The following LRRC7 variants were observed in gnomAD, a reference collection of about 807,000 sequenced individuals.
LRRC7 encodes leucine rich repeat containing 7.
Under a neutral mutation model 175.7 loss-of-function variants are expected in LRRC7, and 23 were observed. That is an observed-to-expected ratio of 0.13 (90% confidence interval 0.09 to 0.19). LRRC7 has a LOEUF of 0.19. LRRC7 is among the 10% of genes least tolerant of loss of function. The probability of loss-of-function intolerance (pLI) is 1.00; values close to 1 mark genes in which losing one functional copy is unlikely to be tolerated. For missense variants in LRRC7, 1,354 were observed against 1,904.7 expected, an observed-to-expected ratio of 0.71 and a Z score of 5.38; for synonymous variants, 685 against 680.9, an observed-to-expected ratio of 1.01 and a Z score of -0.09.
At chr1:69,623,973 C>A (rs1263806840) in intron 1 of LRRC7, among the ~76,000 whole-genome samples, 1 of 152,010 alleles carries the variant, frequency 6.6e-6, no homozygotes, top group Non-Finnish European at 1.5e-5. Context: ...TCATTTGGGG[C>A]TACTATAAAT....
intron 8 of LRRC7, among the ~76,000 whole-genome samples, chr1:69,977,111 T>G (rs1652894547): frequency 2.0e-5 from 3 of 152,214 alleles, no homozygotes; most frequent in African/African-American, 7.2e-5. Flanking sequence ...GACATGTTTG[T>G]GCATGACTCA....
At chr1:69,760,484 C>T (rs1401188585) in intron 3 of LRRC7, 91 bp downstream of exon 3, 3 of 1,051,286 alleles carry the variant, frequency 2.9e-6, no homozygotes, top group African/African-American at 1.6e-5. Flanking sequence ...ACTATGGGCT[C>T]CTATCTAGGT....
chr1:69,742,020 A>C (rs1050129326), intron 2 of LRRC7, among the ~76,000 whole-genome samples: 7 of 152,166 alleles, frequency 4.6e-5, no homozygotes, highest in East Asian at 1.9e-4. Context: ...ACTGCAACAT[A>C]ATTTTAAAAG....
chr1:69,570,070 C>G (rs187438313), intron 1 of LRRC7, among the ~76,000 whole-genome samples: 1 of 152,116 alleles, frequency 6.6e-6, no homozygotes, highest in Non-Finnish European at 1.5e-5. Flanking sequence ...CTGTATATGT[C>G]GAAATGTGGC....
At chr1:69,839,448 G>A (rs1681483403) in intron 7 of LRRC7, among the ~76,000 whole-genome samples, 1 of 152,054 alleles carries the variant, frequency 6.6e-6, no homozygotes, top group Non-Finnish European at 1.5e-5. Flanking sequence ...CATTGGGTAT[G>A]GGCCTAACCC....
intron 3 of LRRC7, among the ~76,000 whole-genome samples, chr1:69,762,944 T>A (rs933992357): frequency 5.9e-5 from 9 of 151,862 alleles, no homozygotes; most frequent in African/African-American, 2.2e-4. Flanking sequence ...CAAGGTTGAA[T>A]TTTTTTTACT....
intron 7 of LRRC7, among the ~76,000 whole-genome samples, chr1:69,848,510 T>C (rs1023998366): frequency 1.3e-5 from 2 of 152,092 alleles, no homozygotes; most frequent in Non-Finnish European, 2.9e-5. Context: ...CTACCACCTA[T>C]GCTTTGATTT....
chr1:69,917,214 G>A (rs1195373110), intron 7 of LRRC7, among the ~76,000 whole-genome samples: 1 of 152,148 alleles, frequency 6.6e-6, no homozygotes, highest in Admixed American at 6.5e-5. Flanking sequence ...CAAATAGTTA[G>A]CATTACTGAT....
At chr1:69,743,381 T>G (rs997773622) in intron 2 of LRRC7, among the ~76,000 whole-genome samples, 2 of 152,030 alleles carry the variant, frequency 1.3e-5, no homozygotes, top group African/African-American at 4.8e-5. Flanking sequence ...GAGTAAAGAT[T>G]ATTCCTAGCA....
intron 1 of LRRC7, among the ~76,000 whole-genome samples, chr1:69,613,337 G>A (rs935925988): frequency 6.6e-6 from 1 of 151,920 alleles, no homozygotes; most frequent in African/African-American, 2.4e-5. Context: ...CCACTCATGA[G>A]GGCTCTATCC....
intron 2 of LRRC7, among the ~76,000 whole-genome samples, chr1:69,722,945 A>G (rs771440308): frequency 4.0e-5 from 6 of 151,868 alleles, no homozygotes; most frequent in Non-Finnish European, 7.4e-5. Context: ...CATTGCAAAT[A>G]TTTTCCCCAG....
At chr1:69,693,501 C>A (rs904444171) in intron 2 of LRRC7, among the ~76,000 whole-genome samples, 1 of 152,162 alleles carries the variant, frequency 6.6e-6, no homozygotes, top group Non-Finnish European at 1.5e-5. Context: ...CCATTCAAGT[C>A]TAAAAGCTAT....
At chr1:69,754,748 A>G (rs1011421575) in intron 2 of LRRC7, among the ~76,000 whole-genome samples, 15 of 152,062 alleles carry the variant, frequency 9.9e-5, no homozygotes, top group African/African-American at 3.6e-4. Flanking sequence ...TGTGCATGTG[A>G]CATACAACTT....
At chr1:69,644,469 T>C (rs769722645) in intron 1 of LRRC7, among the ~76,000 whole-genome samples, 1 of 152,094 alleles carries the variant, frequency 6.6e-6, no homozygotes, top group Non-Finnish European at 1.5e-5. Flanking sequence ...AGCTGTAGCC[T>C]CACTAACTTT....
chr1:70,088,910 T>C (rs1421773566), intron 24 of LRRC7, among the ~76,000 whole-genome samples: 1 of 152,208 alleles, frequency 6.6e-6, no homozygotes, highest in Non-Finnish European at 1.5e-5. Flanking sequence ...CCCATACTAC[T>C]ATAAAACAAA....
chr1:69,957,067 TCATTTAACATATATTTATTAAA>T (rs1183817892), intron 8 of LRRC7, among the ~76,000 whole-genome samples: 1 of 151,760 alleles, frequency 6.6e-6, no homozygotes, highest in Admixed American at 6.6e-5. Flanking sequence ...TTCACTTTTT[TCATTTAACATATATTTATTAAA>T]CATTTAACAT....
intron 8 of LRRC7, among the ~76,000 whole-genome samples, chr1:69,949,265 A>G (rs1375315077): frequency 6.6e-6 from 1 of 152,156 alleles, no homozygotes; most frequent in East Asian, 1.9e-4. Flanking sequence ...ATGTATGTGC[A>G]TCTTTTTCAC....
At chr1:70,116,503 C>T (rs1397381884) in intron 26 of LRRC7, among the ~76,000 whole-genome samples, 3 of 146,930 alleles carry the variant, frequency 2.0e-5, no homozygotes, top group Non-Finnish European at 4.4e-5. Flanking sequence ...GCCAAGATCG[C>T]GCCACTGCAC....
intron 7 of LRRC7, among the ~76,000 whole-genome samples, chr1:69,856,342 T>A (rs9662816): frequency 6.6e-6 from 1 of 151,756 alleles, no homozygotes; most frequent in Non-Finnish European, 1.5e-5. Flanking sequence ...TTTGAAAAGA[T>A]CAACAAAATT....
Sources: gnomAD v4.1 joint callset for allele counts (sites outside exome capture counted in the v4.1 genomes callset) on GRCh38, gnomAD v4.1.1 for gene constraint, MANE v1.5 for transcripts, NCBI Gene and HGNC (gene_info 2026-07-23, HGNC 2026-07-21) for gene names.